SCHIP1: variants seen among roughly 807,000 people sequenced by gnomAD.
SCHIP1 encodes schwannomin interacting protein 1.
A neutral mutation model predicts 29.7 loss-of-function variants in SCHIP1; 8 were observed. That is an observed-to-expected ratio of 0.27 (90% CI 0.16 to 0.49). SCHIP1 has a LOEUF of 0.49. Ranked by LOEUF, SCHIP1 falls within the 20% of genes least tolerant of loss-of-function variation. The pLI is 0.99. For synonymous variants in SCHIP1, 76 were observed against 94.9 expected (o/e 0.80, Z 1.16); for missense variants, 193 against 294.6 (o/e 0.66, Z 2.52).
chr3:159,496,261 A>G, the SCHIP1 span, among the ~76,000 whole-genome samples: 2 of 152,222 alleles, frequency 1.3e-5, no homozygotes, highest in East Asian at 3.8e-4. Context: ...AATGGGATCT[A>G]ATTAAACTAA....
At chr3:159,339,410 G>A in the SCHIP1 span, among the ~76,000 whole-genome samples, 1 of 152,146 alleles carries the variant, frequency 6.6e-6, no homozygotes, top group Non-Finnish European at 1.5e-5. Context: ...AGGCTTGAAA[G>A]AAATATTGTC....
At chr3:159,817,854 T>C in the SCHIP1 span, among the ~76,000 whole-genome samples, 1 of 152,200 alleles carries the variant, frequency 6.6e-6, no homozygotes, top group East Asian at 1.9e-4. Flanking sequence ...GGGAATAAAG[T>C]AGGTTTCCCA....
the SCHIP1 span, among the ~76,000 whole-genome samples, chr3:159,493,522 T>TA: frequency 1.3e-5 from 2 of 151,646 alleles, no homozygotes; most frequent in African/African-American, 4.9e-5. Flanking sequence ...TACATAATGG[T>TA]AAAGGGATCA....
chr3:159,887,593 G>A, intron 3 of SCHIP1, 115 bp from the exon 5 acceptor site: 1 of 1,127,926 alleles, frequency 8.9e-7, no homozygotes, highest in South Asian at 1.5e-5. Flanking sequence ...GTCACATTGA[G>A]GGAGGGAACT....
chr3:159,725,808 T>G, the SCHIP1 span, among the ~76,000 whole-genome samples: 4 of 152,284 alleles, frequency 2.6e-5, no homozygotes, highest in East Asian at 7.7e-4. Flanking sequence ...CACTTTATAT[T>G]TATTATAGAA....
chr3:159,890,544 A>G (rs73021967), intron 5 of SCHIP1, among the ~76,000 whole-genome samples: 1,586 of 152,332 alleles, frequency 0.01, 33 homozygotes, highest in African/African-American at 0.037. Context: ...AGAAAGGGTC[A>G]AACATTTTGA....
chr3:159,729,636 A>G, the SCHIP1 span, among the ~76,000 whole-genome samples: 1 of 152,208 alleles, frequency 6.6e-6, no homozygotes, highest in Admixed American at 6.5e-5. Context: ...AACAATAAAC[A>G]TGCAGAATAT....
chr3:159,705,700 T>TTTTGTTTG, the SCHIP1 span, among the ~76,000 whole-genome samples: 202 of 151,650 alleles, frequency 1.3e-3, no homozygotes, highest in African/African-American at 4.5e-3. Flanking sequence ...AGGATATGAC[T>TTTTGTTTG]TTTGTTTGTT....
intron 5 of SCHIP1, among the ~76,000 whole-genome samples, chr3:159,890,970 G>A (rs1717460915): frequency 6.6e-6 from 1 of 152,184 alleles, no homozygotes; most frequent in Non-Finnish European, 1.5e-5. Context: ...CCTAGCAGCT[G>A]TAATGCTTAG....
the SCHIP1 span, among the ~76,000 whole-genome samples, chr3:159,424,878 G>A: frequency 6.7e-6 from 1 of 149,572 alleles, no homozygotes; most frequent in Admixed American, 6.8e-5. Context: ...GAGAGTGGGG[G>A]CCAATATTCA....
the SCHIP1 span, among the ~76,000 whole-genome samples, chr3:159,568,886 ATATTT>A: frequency 1.3e-5 from 2 of 152,168 alleles, no homozygotes; most frequent in Non-Finnish European, 2.9e-5. Context: ...TTATCTCTGA[ATATTT>A]TATTAGACAT....
the SCHIP1 span, among the ~76,000 whole-genome samples, chr3:159,382,025 T>C: frequency 6.6e-6 from 1 of 152,002 alleles, no homozygotes; most frequent in South Asian, 2.1e-4. Context: ...GGCCTAATAG[T>C]GACACATATC....
chr3:159,808,365 A>G, the SCHIP1 span: 2 of 152,214 alleles, frequency 1.3e-5, no homozygotes, highest in Non-Finnish European at 2.9e-5. Context: ...TGGAATCAGC[A>G]ATAGTCCTAT....
At chr3:159,743,884 C>T in the SCHIP1 span, among the ~76,000 whole-genome samples, 1 of 152,224 alleles carries the variant, frequency 6.6e-6, no homozygotes, top group African/African-American at 2.4e-5. Flanking sequence ...TATGAATGCA[C>T]AGTAATATCA....
upstream of SCHIP1, among the ~76,000 whole-genome samples, chr3:159,838,903 A>T (rs1301120906): frequency 6.6e-6 from 1 of 150,462 alleles, no homozygotes; most frequent in Non-Finnish European, 1.5e-5. Flanking sequence ...TCCATCTCAA[A>T]AAAAAAAAAA....
the SCHIP1 span, among the ~76,000 whole-genome samples, chr3:159,497,583 A>G: frequency 6.6e-6 from 1 of 151,780 alleles, no homozygotes; most frequent in South Asian, 2.1e-4. Context: ...ATATTTATCT[A>G]ATTTTGAAGC....
chr3:159,591,308 A>T, the SCHIP1 span, among the ~76,000 whole-genome samples: 1 of 152,200 alleles, frequency 6.6e-6, no homozygotes, highest in Non-Finnish European at 1.5e-5. Flanking sequence ...CTATGTTTTT[A>T]CACTGCTGGT....
the SCHIP1 span, among the ~76,000 whole-genome samples, chr3:159,759,010 T>C: frequency 6.6e-6 from 1 of 152,204 alleles, no homozygotes; most frequent in Non-Finnish European, 1.5e-5. Context: ...GGTTTCAAGT[T>C]TGGAAAATAG....
At chr3:159,896,778 G>C in exon 7 of SCHIP1, 1 of 1,606,408 alleles carries the variant, frequency 6.2e-7, no homozygotes, top group South Asian at 1.1e-5. Context: ...AAAGTGAAAA[G>C]AAGCCATTCA....
Sources: allele counts gnomAD v4.1 joint callset (sites outside exome capture counted in the v4.1 genomes callset), GRCh38; gene constraint gnomAD v4.1.1; transcripts MANE v1.5; gene names NCBI Gene and HGNC (gene_info 2026-07-23, HGNC 2026-07-21).